Variants in DCBLD1 observed in about 807,000 individuals in gnomAD.
The protein encoded by DCBLD1 is discoidin, CUB and LCCL domain containing 1, also known as discoidin, CUB and LCCL domain-containing protein 1.
In DCBLD1, 57 loss-of-function variants were observed where a neutral mutation model predicts 71.5. That is an observed-to-expected ratio of 0.80 (90% CI 0.64 to 0.99). The LOEUF (loss-of-function observed/expected upper bound fraction) is 0.99. DCBLD1 is among the 50% of genes least tolerant of loss of function. The probability of loss-of-function intolerance (pLI) is 0.00; values close to 1 mark genes in which losing one functional copy is unlikely to be tolerated. For missense variants in DCBLD1, 891 were observed against 923.5 expected (o/e 0.96, Z 0.46); for synonymous variants, 380 against 363.8 (o/e 1.04, Z -0.51).
At chr6:117,525,913 T>A (rs1778533926) in intron 5 of DCBLD1, among the ~76,000 whole-genome samples, 1 of 152,210 alleles carries the variant, frequency 6.6e-6, no homozygotes, top group Non-Finnish European at 1.5e-5. Flanking sequence ...TAGTAATACA[T>A]TGTTCCTGCA....
intron 14 of DCBLD1, among the ~76,000 whole-genome samples, chr6:117,567,348 CAGTTTT>C (rs2114604096): frequency 6.6e-6 from 1 of 152,182 alleles, no homozygotes; most frequent in Non-Finnish European, 1.5e-5. Flanking sequence ...AACAAGTATT[CAGTTTT>C]AAAGTTATTT....
intron 14 of DCBLD1, chr6:117,563,185 C>T (rs1242847602): frequency 9.7e-6 from 14 of 1,445,856 alleles, no homozygotes; most frequent in Admixed American, 9.0e-5. Context: ...TAGTCTTTGT[C>T]ACCATCTTCC....
At chr6:117,537,748 G>T (rs749204396) in intron 7 of DCBLD1, among the ~76,000 whole-genome samples, 1 of 129,956 alleles carries the variant, frequency 7.7e-6, no homozygotes, top group Non-Finnish European at 1.5e-5. Context: ...GGGCTTAAGC[G>T]ATCCTCTTAC....
intron 5 of DCBLD1, among the ~76,000 whole-genome samples, chr6:117,527,009 C>T (rs894290761): frequency 6.6e-6 from 1 of 152,138 alleles, no homozygotes; most frequent in African/African-American, 2.4e-5. Flanking sequence ...GTGTTGACAG[C>T]ATTCAGTTAC....
intron 1 of DCBLD1, among the ~76,000 whole-genome samples, chr6:117,501,553 C>T (rs1330770835): frequency 2.0e-5 from 3 of 152,128 alleles, no homozygotes; most frequent in Non-Finnish European, 2.9e-5. Context: ...AGGCTGGTCT[C>T]GAACTCCTGA....
intron 4 of DCBLD1, among the ~76,000 whole-genome samples, chr6:117,523,957 GT>G (rs1414417826): frequency 6.6e-6 from 1 of 152,206 alleles, no homozygotes; most frequent in African/African-American, 2.4e-5. Context: ...CTTTTTGTGT[GT>G]TTTTTATAGA....
chr6:117,539,142 T>G, intron 8 of DCBLD1, 113 bp from the exon 9 acceptor site: 1 of 989,428 alleles, frequency 1.0e-6, no homozygotes, highest in Non-Finnish European at 1.4e-6. Flanking sequence ...AGTTGGCCTG[T>G]GAGATGATCT....
At chr6:117,564,601 AT>A (rs905794606) in intron 14 of DCBLD1, among the ~76,000 whole-genome samples, 2 of 152,158 alleles carry the variant, frequency 1.3e-5, no homozygotes, top group African/African-American at 4.8e-5. Context: ...CAATAGATAC[AT>A]TTTTTTAAGT....
In DCBLD1 at chr6:117,499,983, A is replaced by G. The variant is rs191860415; in HGVS notation, c.113-3784A>G. Among the ~76,000 whole-genome samples, 4 of 152,346 alleles carry G rather than the reference A, an allele frequency of 2.6e-5. No homozygotes were observed. In the East Asian group the frequency reaches 7.7e-4, roughly 29 times the overall value. ...CGGTGAGCTGAGATCGCACCACTGC[A>G]CTCCAGCCTAGGCAACAAAAGCGAA... On this transcript the variant is annotated intron_variant, in intron 1 of 14. Coordinates refer to ENST00000338728, the MANE Select transcript of DCBLD1 (RefSeq NM_001366458.2).
chr6:117,539,206 T>C, intron 8 of DCBLD1, 49 bp from the exon 9 acceptor site: 1 of 1,449,492 alleles, frequency 6.9e-7, no homozygotes, highest in Non-Finnish European at 9.2e-7. Context: ...ATAGATGTTA[T>C]ATTTAACAAA....
Position 117,521,697 on chromosome 6 carries a change from G to A in DCBLD1, c.512+121G>A, listed in dbSNP as rs529104007. On this transcript the variant is annotated intron_variant, in intron 4 of 14. Transcript: ENST00000338728. Reference sequence around the variant, plus strand: ...TTTTACCATTCATGTTGTAACTAATGAGGAATATTTGAAATAGTTTGTTAT... The same window carrying A: ...TTTTACCATTCATGTTGTAACTAATAAGGAATATTTGAAATAGTTTGTTAT... 3.6e-4 allele frequency: 302 copies of A among 847,146 alleles called. No homozygotes were observed. The African/African-American group carries it at 4.9e-3, about 14-fold the overall frequency. 52.5% of individuals were successfully genotyped at this position (847,146 alleles called of 1,614,324 possible).
downstream of DCBLD1, among the ~76,000 whole-genome samples, chr6:117,551,350 T>C (rs1345921775): frequency 6.7e-6 from 1 of 148,188 alleles, no homozygotes; most frequent in Non-Finnish European, 1.5e-5. Flanking sequence ...TTGATTCTGA[T>C]ACCTGAGTAT....
chr6:117,537,094 GA>G, intron 6 of DCBLD1, 90 bp from the exon 7 acceptor site: 4 of 1,310,830 alleles, frequency 3.1e-6, no homozygotes, highest in Non-Finnish European at 4.4e-6. Flanking sequence ...GCACAGGTGG[GA>G]AAGTTCTGTG....
At position 117,536,812 on chromosome 6, in the gene DCBLD1, C is replaced by T. The variant is rs548306929; in HGVS notation, c.720-373C>T. On this transcript the variant is annotated intron_variant, in intron 6 of 14. Coordinates refer to ENST00000338728, the MANE Select transcript of DCBLD1 (RefSeq NM_001366458.2). ...CAGTAATCCTTTCTGTCTTCATCAT[C>T]TTGCAATAATTAATTGAGATGTAAG... 9.2e-5 allele frequency among the ~76,000 whole-genome samples: 14 copies of T among 152,302 alleles called. No individual in the cohort carries two copies. The South Asian group carries it at 2.9e-3, about 32-fold the overall frequency.
intron 2 of DCBLD1, among the ~76,000 whole-genome samples, chr6:117,505,684 A>G (rs1777817446): frequency 6.6e-6 from 1 of 152,194 alleles, no homozygotes; most frequent in African/African-American, 2.4e-5. Context: ...AAGGCAGAAA[A>G]GGTCAGGGGC....
At position 117,556,079 on chromosome 6, in the gene DCBLD1, G is replaced by T. The variant is rs139569612; in HGVS notation, c.1615+10482G>T. On this transcript the variant is annotated intron_variant, in intron 14 of 14. Transcript: ENST00000296955. ...AAAAGTAAAATTAATAATGCATCTG[G>T]AATCTGCTGCCCCCTGCTGGCAATT... 2.8e-4 allele frequency among the ~76,000 whole-genome samples: 43 copies of T among 152,242 alleles called. 1 individual carries two copies. The highest frequency in any genetic ancestry group is 1.0e-3 in the African/African-American group (42 of 41,548).
At chr6:117,557,686 C>A (rs979914896) in intron 14 of DCBLD1, among the ~76,000 whole-genome samples, 1 of 152,154 alleles carries the variant, frequency 6.6e-6, no homozygotes, top group African/African-American at 2.4e-5. Flanking sequence ...ATCACTTAAA[C>A]CCAGGAGATG....
chr6:117,494,133 C>G (rs978533290), intron 1 of DCBLD1, among the ~76,000 whole-genome samples: 1 of 151,906 alleles, frequency 6.6e-6, no homozygotes, highest in Non-Finnish European at 1.5e-5. Flanking sequence ...TAGTAAGGGC[C>G]CTTTCATAAT....
chr6:117,508,475 A>G (rs1355281750), intron 2 of DCBLD1, among the ~76,000 whole-genome samples: 2 of 152,162 alleles, frequency 1.3e-5, no homozygotes, highest in African/African-American at 4.8e-5. Flanking sequence ...TAAATATATA[A>G]TGTTGTATTT....
Sources: allele counts gnomAD v4.1 joint callset (sites outside exome capture counted in the v4.1 genomes callset), GRCh38; gene constraint gnomAD v4.1.1; transcripts MANE v1.5; gene names NCBI Gene and HGNC (gene_info 2026-07-23, HGNC 2026-07-21).